PPP2R5B: variants seen among roughly 807,000 people sequenced by gnomAD.
PPP2R5B encodes serine/threonine-protein phosphatase 2A 56 kDa regulatory subunit beta isoform.
PPP2R5B carries 19 observed loss-of-function variants against 59.9 expected under a neutral mutation model. The ratio of observed to expected loss-of-function variants is 0.32; its 90% CI spans 0.22 to 0.47. The LOEUF is 0.47. PPP2R5B is among the 20% of genes least tolerant of loss of function. The pLI is 1.00. For synonymous variants in PPP2R5B, 286 were observed against 260.5 expected (o/e 1.10, Z -0.94); for missense variants, 441 against 640.2 (o/e 0.69, Z 3.36).
intron 1 of PPP2R5B, among the ~76,000 whole-genome samples, chr11:64,918,111 C>T (rs1945059845): frequency 6.6e-6 from 1 of 152,170 alleles, no homozygotes; most frequent in South Asian, 2.1e-4. Context: ...ATATGAAATT[C>T]ACATTCCAGT....
chr11:64,933,991 G>A lies in PPP2R5B; in HGVS notation c.*147G>A. On this transcript the variant is annotated 3_prime_UTR_variant, in exon 14 of 14. Transcript: ENST00000164133. ...CTCCCTGCCCAGCCCAGCTTTCACT[G>A]GGGGGAGACGAGGAGAGGCAATGGT... The A allele has an allele frequency of 9.9e-7, 1 of 1,010,376 alleles. No individual in the cohort carries two copies. Among genetic ancestry groups the A allele is most frequent in the Non-Finnish European group, 1.3e-6 (1 of 744,466 alleles). 62.6% of individuals were successfully genotyped at this position (1,010,376 alleles called of 1,614,324 possible). A position where few individuals can be genotyped will look rare whatever the true frequency, so the allele number is the denominator to read the frequency against.
At position 64,926,724 on chromosome 11, in the gene PPP2R5B, C is replaced by CCGAGCTGCA. The variant is rs1945167998; in HGVS notation, c.221_229dup (p.His74_Leu76dup). The stretch of plus-strand genomic sequence containing the variant: ...CTCTCCTCCCCAGATGTGCCGGCTT[C>CCGAGCTGCA]CGAGCTGCACGAGCTGCTGAGCCGG... On this transcript the variant is annotated inframe_insertion, in exon 3 of 14. Transcript: ENST00000164133. 6.2e-7 allele frequency: 1 copy of CCGAGCTGCA among 1,614,074 alleles called. No homozygotes were observed. The highest frequency in any genetic ancestry group is 8.5e-7 in the Non-Finnish European group (1 of 1,180,004).
Position 64,934,413 on chromosome 11 carries a change from A to G in PPP2R5B, c.*569A>G. The G allele has an allele frequency of 2.7e-6, 1 of 368,176 alleles. No homozygotes were observed. The highest frequency in any genetic ancestry group is 5.1e-6 in the Non-Finnish European group (1 of 195,986). 22.8% of individuals were successfully genotyped at this position (368,176 alleles called of 1,614,324 possible). On this transcript the variant is annotated 3_prime_UTR_variant, in exon 14 of 14. Transcript: ENST00000164133. ...TGTCCTGGGGTAAGGGGGGGTTCACAGTAATCATGGTCTACTCCTCTTTCC... is the reference window on the plus strand; with the variant it reads ...TGTCCTGGGGTAAGGGGGGGTTCACGGTAATCATGGTCTACTCCTCTTTCC...
At chr11:64,932,929 G>A in intron 12 of PPP2R5B, 37 bp downstream of exon 12, 1 of 1,611,800 alleles carries the variant, frequency 6.2e-7, no homozygotes, top group South Asian at 1.1e-5. Context: ...ACAGAAACTG[G>A]GACCAGGGCC....
intron 13 of PPP2R5B, 142 bp downstream of exon 13, chr11:64,933,388 C>A: frequency 1.3e-6 from 1 of 766,170 alleles, no homozygotes; most frequent in South Asian, 1.7e-5. Flanking sequence ...CCATCCTATG[C>A]CTGACTGTCT....
chr11:64,931,498 C>T lies in PPP2R5B; in HGVS notation c.945+9C>T, dbSNP rs117631081. 2,195 of 1,614,060 alleles carry T rather than the reference C, an allele frequency of 1.4e-3. 3 individuals are homozygous for T. Among genetic ancestry groups the T allele is most frequent in the Admixed American group, 2.1e-3 (125 of 59,998 alleles). ...CCACTCTGACAGAGCACGTGAGTACCTCTGGGGGCTAAGGCAGCCTCTCAC... is the reference window on the plus strand; with the variant it reads ...CCACTCTGACAGAGCACGTGAGTACTTCTGGGGGCTAAGGCAGCCTCTCAC... On this transcript the variant is annotated intron_variant, in intron 9 of 13. Transcript: ENST00000164133. This position sits in a 1 kb window ranked among gnomAD's most constrained non-coding sequence, Gnocchi z 5.0.
upstream of PPP2R5B, among the ~76,000 whole-genome samples, chr11:64,923,653 G>A (rs1232981089): frequency 6.6e-6 from 1 of 152,168 alleles, no homozygotes; most frequent in Non-Finnish European, 1.5e-5. Context: ...GGAGCACTGA[G>A]TGGTCACCAA....
At position 64,926,748 on chromosome 11, in the gene PPP2R5B, G is replaced by T. The variant is rs142378216; in HGVS notation, c.236G>T (p.Arg79Leu). Residue 79 changes from arginine to leucine, a missense_variant, in exon 3 of 14, where the codon CGG (arginine) becomes CTG (leucine). By Grantham distance (102) the Arg-to-Leu change is moderately radical. Coordinates refer to ENST00000164133, the MANE Select transcript of PPP2R5B (RefSeq NM_006244.4). ...TCCGAGCTGCACGAGCTGCTGAGCC[G>T]GAAGCTGGCCCAGTGTGGGGTGATG... ...PASELHELLSRKLAQCGVMFD... is the reference protein window; with the variant it reads ...PASELHELLSLKLAQCGVMFD... The T allele has an allele frequency of 2.5e-6, 4 of 1,614,174 alleles. No homozygotes were observed. The highest frequency in any genetic ancestry group is 3.4e-6 in the Non-Finnish European group (4 of 1,180,018).
At position 64,925,937 on chromosome 11, in the gene PPP2R5B, A is replaced by G. The variant is rs1266534267; in HGVS notation, c.199+4A>G. On this transcript the variant is annotated splice_donor_region_variant and intron_variant, in intron 2 of 13. Transcript: ENST00000164133. This position sits in a 1 kb window ranked among gnomAD's most constrained non-coding sequence, Gnocchi z 4.6. Reference sequence around the variant, plus strand: ...ACACCGCTGCCCCTGCTCAAAGGTGAGCTGGCTGCTGGCCACTGGGGGAAC... The same window carrying G: ...ACACCGCTGCCCCTGCTCAAAGGTGGGCTGGCTGCTGGCCACTGGGGGAAC... 7 of 1,610,018 alleles carry G rather than the reference A, an allele frequency of 4.3e-6. No homozygotes were observed. The Admixed American group carries it at 8.3e-5, about 19-fold the overall frequency.
Position 64,919,380 on chromosome 11 carries a change from C to T in PPP2R5B, c.-265+1740C>T, listed in dbSNP as rs1032549512. ...AGAAGAAACTGCTTGTGGAAGGAAT[C>T]TAGAGCTCTGCCTTCTTCCATGGCA... is the stretch of plus-strand genomic sequence containing the variant. On this transcript the variant is annotated intron_variant, in intron 1 of 4. Coordinates refer to the PPP2R5B transcript ENST00000526559. Among the ~76,000 whole-genome samples, 7 of 151,478 alleles carry T rather than the reference C, an allele frequency of 4.6e-5. No individual in the cohort carries two copies. The East Asian group carries it at 1.2e-3, about 25-fold the overall frequency.
intron 2 of PPP2R5B, among the ~76,000 whole-genome samples, chr11:64,926,194 A>G (rs889177824): frequency 6.6e-6 from 1 of 152,200 alleles, no homozygotes; most frequent in African/African-American, 2.4e-5. Context: ...GGTGGGGCCC[A>G]TAGCCTGGGT....
upstream of PPP2R5B, among the ~76,000 whole-genome samples, chr11:64,920,479 C>T (rs1291275210): frequency 6.6e-6 from 1 of 152,200 alleles, no homozygotes; most frequent in Non-Finnish European, 1.5e-5. Flanking sequence ...GACAGTCATT[C>T]TCCAACCTAG....
chr11:64,932,997 T>A, intron 12 of PPP2R5B, 105 bp downstream of exon 12: 1 of 1,543,476 alleles, frequency 6.5e-7, no homozygotes, highest in African/African-American at 1.4e-5. Context: ...AGAGAAAGCA[T>A]CAAAAGATGG....
chr11:64,926,628 GGA>G (rs1160373027), intron 2 of PPP2R5B, 82 bp from the exon 3 acceptor site: 2 of 1,468,346 alleles, frequency 1.4e-6, no homozygotes, highest in East Asian at 4.5e-5. Flanking sequence ...AGGCAGCCGT[GGA>G]GATTAGGAGG....
Position 64,928,373 on chromosome 11 carries a change from T to C in PPP2R5B, c.670T>C (p.Phe224Leu). The C allele has an allele frequency of 6.2e-7, 1 of 1,614,244 alleles. No individual in the cohort carries two copies. The change falls in exon 6 of 14, where the codon TTC becomes CTC. Residue 224 changes from phenylalanine (F) to leucine (L), a missense_variant. Phe to Leu is a conservative substitution (Grantham distance 22). This residue lies in a region of PPP2R5B where 268 missense variants were observed against 488.1 expected (regional missense o/e 0.55). Transcript: ENST00000164133. ...KTILHRVYGKFLGLRAYIRKQ... is the reference protein window; with the variant it reads ...KTILHRVYGKLLGLRAYIRKQ... The stretch of plus-strand genomic sequence containing the variant: ...CATCCTGCACCGGGTCTATGGCAAG[T>C]TCCTGGGTCTCCGGGCCTACATCCG...
chr11:64,920,373 C>T (rs1284806995), upstream of PPP2R5B, among the ~76,000 whole-genome samples: 2 of 152,084 alleles, frequency 1.3e-5, no homozygotes, highest in African/African-American at 2.4e-5. Flanking sequence ...GCCCCAGTTC[C>T]CAGTGCCATG....
rs1945262303 is a variant in PPP2R5B at position 64,934,225 on chromosome 11, C to T, written c.*381C>T. 1 of 232,894 alleles carries T rather than the reference C, an allele frequency of 4.3e-6. No individual in the cohort carries two copies. The allele number at this position is 232,894 out of a possible 1,614,324, so 14.4% of individuals were successfully genotyped here. ...GCCAATGCGAGGTCCTTCCTTATCC[C>T]CACCATGGGGTCCATGGTCTATTTA... On this transcript the variant is annotated 3_prime_UTR_variant, in exon 14 of 14. Coordinates refer to ENST00000164133, the MANE Select transcript of PPP2R5B (RefSeq NM_006244.4).
chr11:64,928,459 G>A, intron 6 of PPP2R5B, 34 bp downstream of exon 6: 1 of 1,613,706 alleles, frequency 6.2e-7, no homozygotes, highest in Non-Finnish European at 8.5e-7. Context: ...CAGAGACCTG[G>A]GGAGGGTGAG....
At chr11:64,928,017 G>T (rs1267678058) in intron 4 of PPP2R5B, 49 bp from the exon 5 acceptor site, 1 of 1,585,354 alleles carries the variant, frequency 6.3e-7, no homozygotes. Flanking sequence ...TGGAATGAGT[G>T]GGTGAGGCTG....
Sources: allele counts gnomAD v4.1 joint callset (sites outside exome capture counted in the v4.1 genomes callset), GRCh38; gene constraint gnomAD v4.1.1; regional missense constraint gnomAD v4.1.1; non-coding constraint Gnocchi (gnomAD v3.1); transcripts MANE v1.5; gene names NCBI Gene and HGNC (gene_info 2026-07-23, HGNC 2026-07-21).